Variants in MEI4 observed in about 807,000 individuals in gnomAD.
MEI4 encodes the protein meiosis-specific protein MEI4.
In MEI4, 27 loss-of-function variants were observed where a neutral mutation model predicts 31.4. The ratio of observed to expected loss-of-function variants is 0.86; its 90% CI spans 0.63 to 1.19. The LOEUF is 1.19. MEI4 is among the 50% of genes most tolerant of loss of function. The pLI, the probability that MEI4 is intolerant of heterozygous loss-of-function variation, is 0.00. For synonymous variants in MEI4, 122 were observed against 145.4 expected (o/e 0.84, Z 1.16); for missense variants, 329 against 398.9 (o/e 0.82, Z 1.49).
At chr6:77,813,162 G>A (rs761002417) in intron 3 of MEI4, among the ~76,000 whole-genome samples, 1 of 152,032 alleles carries the variant, frequency 6.6e-6, no homozygotes, top group Non-Finnish European at 1.5e-5. Flanking sequence ...TTAACACAGA[G>A]CTGGAAAAGA....
intron 4 of MEI4, among the ~76,000 whole-genome samples, chr6:77,879,077 A>G (rs888339244): frequency 2.0e-5 from 3 of 152,178 alleles, no homozygotes; most frequent in Non-Finnish European, 4.4e-5. Flanking sequence ...TGAAAACAGT[A>G]TTATTATATC....
chr6:77,787,255 G>C (rs1169247630), intron 3 of MEI4, among the ~76,000 whole-genome samples: 1 of 152,154 alleles, frequency 6.6e-6, no homozygotes, highest in Non-Finnish European at 1.5e-5. Flanking sequence ...CCCTCCCAGA[G>C]ACCCGCAGGA....
chr6:77,726,952 A>G (rs943080633), intron 2 of MEI4, among the ~76,000 whole-genome samples: 1 of 152,236 alleles, frequency 6.6e-6, no homozygotes, highest in East Asian at 1.9e-4. Context: ...TGATGTATGT[A>G]TATGCTATTT....
At position 77,690,588 on chromosome 6, in the gene MEI4, T is replaced by G. The variant is rs1425000734; in HGVS notation, c.-14-70T>G. 3 of 701,358 alleles carry G rather than the reference T, an allele frequency of 4.3e-6. No homozygotes were observed. In the East Asian group the frequency reaches 1.0e-4, roughly 24 times the overall value. The allele number at this position is 701,358 out of a possible 1,614,324, so 43.4% of individuals were successfully genotyped here. On this transcript the variant is annotated intron_variant, in intron 1 of 4. Coordinates refer to ENST00000684080, the MANE Select transcript of MEI4 (RefSeq NM_001322247.2). The stretch of plus-strand genomic sequence containing the variant: ...AATTAATGTTACTCTGCAAAATCAA[T>G]TTTAAGCAAATGAAATGCACTGCAC...
chr6:77,739,394 T>C (rs1452080065), intron 2 of MEI4, among the ~76,000 whole-genome samples: 1 of 152,164 alleles, frequency 6.6e-6, no homozygotes, highest in Non-Finnish European at 1.5e-5. Context: ...TATGCAGCCA[T>C]AGAATAGAAT....
chr6:77,654,667 T>C (rs1459975187), intron 1 of MEI4, among the ~76,000 whole-genome samples: 2 of 151,524 alleles, frequency 1.3e-5, no homozygotes, highest in Admixed American at 6.6e-5. Flanking sequence ...AAATGCAATA[T>C]TTTTTCGTTG....
At chr6:77,683,773 T>G (rs1411486424) in intron 1 of MEI4, among the ~76,000 whole-genome samples, 1 of 152,222 alleles carries the variant, frequency 6.6e-6, no homozygotes, top group African/African-American at 2.4e-5. Flanking sequence ...TTTTTCTTTA[T>G]CTGTTAATCC....
intron 3 of MEI4, among the ~76,000 whole-genome samples, chr6:77,823,479 T>C (rs1769875606): frequency 6.6e-6 from 1 of 152,224 alleles, no homozygotes; most frequent in African/African-American, 2.4e-5. Context: ...TTTCAGCCAT[T>C]AATTGCTTGC....
intron 3 of MEI4, among the ~76,000 whole-genome samples, chr6:77,779,422 C>T (rs1159237924): frequency 6.6e-6 from 1 of 152,134 alleles, no homozygotes; most frequent in Non-Finnish European, 1.5e-5. Flanking sequence ...TGAAGATATT[C>T]TAAAATCTTA....
intron 1 of MEI4, among the ~76,000 whole-genome samples, chr6:77,681,300 A>G (rs1010183879): frequency 6.6e-6 from 1 of 152,208 alleles, no homozygotes; most frequent in Non-Finnish European, 1.5e-5. Flanking sequence ...TGTGAAGTTT[A>G]TGAATTTGAG....
chr6:77,849,394 G>A (rs1770561326), intron 4 of MEI4, among the ~76,000 whole-genome samples: 1 of 152,152 alleles, frequency 6.6e-6, no homozygotes, highest in African/African-American at 2.4e-5. Context: ...GCTGAAGGTA[G>A]TGATGGCACA....
chr6:77,804,669 T>C (rs1769381621), intron 3 of MEI4, among the ~76,000 whole-genome samples: 2 of 152,230 alleles, frequency 1.3e-5, no homozygotes, highest in South Asian at 4.1e-4. Flanking sequence ...TCTAGAATCA[T>C]TTGACCAGTT....
intron 4 of MEI4, among the ~76,000 whole-genome samples, chr6:77,922,395 A>G (rs977189919): frequency 2.6e-5 from 4 of 151,722 alleles, no homozygotes; most frequent in African/African-American, 9.7e-5. Flanking sequence ...CTCACCTCAT[A>G]GGGCTTCTGA....
At chr6:77,727,042 A>AT (rs978063641) in intron 2 of MEI4, among the ~76,000 whole-genome samples, 9 of 152,176 alleles carry the variant, frequency 5.9e-5, no homozygotes, top group South Asian at 2.1e-4. Flanking sequence ...AACAATTACA[A>AT]TTTTTTTTGG....
intron 4 of MEI4, among the ~76,000 whole-genome samples, chr6:77,910,730 G>A (rs113563961): frequency 6.6e-6 from 1 of 152,064 alleles, no homozygotes; most frequent in Admixed American, 6.6e-5. Flanking sequence ...AGTGAACATG[G>A]TGATGCAGGT....
chr6:77,791,624 A>G (rs1443689869), intron 3 of MEI4, among the ~76,000 whole-genome samples: 3 of 150,564 alleles, frequency 2.0e-5, no homozygotes, highest in African/African-American at 7.3e-5. Flanking sequence ...TGGCACATGT[A>G]TACATATGTA....
At chr6:77,843,809 T>C (rs113741794) in intron 4 of MEI4, among the ~76,000 whole-genome samples, 8 of 152,200 alleles carry the variant, frequency 5.3e-5, no homozygotes, top group Admixed American at 1.3e-4. Flanking sequence ...AAAATAATCA[T>C]TAATTTACTC....
chr6:77,914,917 A>C (rs1056768642), intron 4 of MEI4, among the ~76,000 whole-genome samples: 1 of 151,958 alleles, frequency 6.6e-6, no homozygotes, highest in African/African-American at 2.4e-5. Flanking sequence ...TATTTTTTCT[A>C]TACCTTTATT....
chr6:77,699,204 T>C (rs1343242097), intron 2 of MEI4, among the ~76,000 whole-genome samples: 3 of 148,484 alleles, frequency 2.0e-5, no homozygotes, highest in Non-Finnish European at 3.0e-5. Flanking sequence ...TTTTTTTTTT[T>C]TTTGAGACGG....
Sources: allele counts gnomAD v4.1 joint callset (sites outside exome capture counted in the v4.1 genomes callset), GRCh38; gene constraint gnomAD v4.1.1; transcripts MANE v1.5; gene names NCBI Gene and HGNC (gene_info 2026-07-23, HGNC 2026-07-21).